Variants in CACNA1D observed in about 807,000 individuals in gnomAD.
CACNA1D encodes the protein calcium voltage-gated channel subunit alpha1 D.
CACNA1D carries 55 observed loss-of-function variants against 257.1 expected under a neutral mutation model. That is an observed-to-expected ratio of 0.21 (90% CI 0.17 to 0.27). The LOEUF is 0.27. CACNA1D is among the 10% of genes least tolerant of loss of function. The pLI, the probability that CACNA1D is intolerant of heterozygous loss-of-function variation, is 1.00. For missense variants in CACNA1D, 1,876 were observed against 2,784.0 expected (o/e 0.67, Z 7.34); for synonymous variants, 980 against 1,014.9 (o/e 0.97, Z 0.65).
chr3:53,561,341 A>G (rs933370622), intron 3 of CACNA1D, among the ~76,000 whole-genome samples: 28 of 152,310 alleles, frequency 1.8e-4, no homozygotes, highest in African/African-American at 6.0e-4. Context: ...CTCATGAATT[A>G]TTGCATAACT....
chr3:53,495,037 C>A lies in CACNA1D; in HGVS notation c.-130C>A. The A allele has an allele frequency of 1.9e-6, 1 of 532,608 alleles. No homozygotes were observed. The highest frequency in any genetic ancestry group is 1.5e-5 in the South Asian group (1 of 66,808). 33.0% of individuals were successfully genotyped at this position (532,608 alleles called of 1,614,324 possible). A position where few individuals can be genotyped will look rare whatever the true frequency, so the allele number is the denominator to read the frequency against. On this transcript the variant is annotated 5_prime_UTR_variant, in exon 1 of 48. Transcript: ENST00000350061. The surrounding 1 kb of genome is among the most constrained non-coding windows in gnomAD (Gnocchi z 5.1). Reference sequence around the variant, plus strand: ...ATTTGTCCCCGTCCCTCCCCACCCCCCTGCTGAAGCGAGAATAAGGGCAGG... The same window carrying A: ...ATTTGTCCCCGTCCCTCCCCACCCCACTGCTGAAGCGAGAATAAGGGCAGG...
chr3:53,776,717 G>T lies in CACNA1D; in HGVS notation c.4477G>T (p.Asp1493Tyr). The part of the protein sequence containing the change: ...DEFKRIWSEY[D>Y]PEAKGRIKHL... Reference sequence around the variant, plus strand: ...ATTCAAAAGAATATGGTCAGAATATGACCCTGAGGCAAAGTAGGTTGAAAA... The same window carrying T: ...ATTCAAAAGAATATGGTCAGAATATTACCCTGAGGCAAAGTAGGTTGAAAA... Residue 1493 changes from aspartate to tyrosine, a missense_variant, in exon 36 of 48, where the codon GAC becomes TAC. Coordinates refer to ENST00000350061, the MANE Select transcript of CACNA1D (RefSeq NM_001128840.3). The T allele has an allele frequency of 6.2e-7, 1 of 1,614,184 alleles. No homozygotes were observed. The highest frequency in any genetic ancestry group is 1.1e-5 in the South Asian group (1 of 91,054).
chr3:53,647,897 A>G (rs1576221993), intron 3 of CACNA1D, among the ~76,000 whole-genome samples: 1 of 152,234 alleles, frequency 6.6e-6, no homozygotes, highest in African/African-American at 2.4e-5. Context: ...TGTATTTCTT[A>G]TGAAGAATCC....
intron 3 of CACNA1D, among the ~76,000 whole-genome samples, chr3:53,620,421 G>A (rs1392029750): frequency 6.6e-6 from 1 of 152,050 alleles, no homozygotes; most frequent in African/African-American, 2.4e-5. Context: ...CTGCCCAGTA[G>A]CTAGGACTAC....
chr3:53,725,043 T>G (rs1370611170), intron 14 of CACNA1D, among the ~76,000 whole-genome samples: 2 of 144,938 alleles, frequency 1.4e-5, no homozygotes, highest in Non-Finnish European at 3.0e-5. Flanking sequence ...TGGCACAAAA[T>G]TCTAATGTTA....
At position 53,752,540 on chromosome 3, in the gene CACNA1D, C is replaced by T. The variant is rs572227422; in HGVS notation, c.3675+633C>T. Among the ~76,000 whole-genome samples the T allele has an allele frequency of 1.1e-4, 16 of 152,326 alleles. No individual in the cohort carries two copies. The East Asian group carries it at 2.9e-3, about 28-fold the overall frequency. ...TCAGCATTCTGAGTAGCTACGATTA[C>T]AGGCATATGCCACCATGCCCAGCTA... On this transcript the variant is annotated intron_variant, in intron 28 of 47. Transcript: ENST00000350061.
At chr3:53,672,119 G>A (rs1031415272) in intron 7 of CACNA1D, among the ~76,000 whole-genome samples, 3 of 152,224 alleles carry the variant, frequency 2.0e-5, no homozygotes, top group Non-Finnish European at 4.4e-5. Flanking sequence ...GTCTGCCAGG[G>A]AGACTGTGTC....
rs377363390 is a variant in CACNA1D, at chr3:53,497,216, T to C, written c.132T>C (p.Asn44=). 286 of 1,614,050 alleles carry C rather than the reference T, an allele frequency of 1.8e-4. No homozygotes were observed. In the Middle Eastern group the frequency reaches 1.8e-3, roughly 10 times the overall value. ...GTGAAGGACCAACTTCTCAGCCGAA[T>C]AGCTCCAAGCAAACTGTCCTGTCTT... is the stretch of plus-strand genomic sequence containing the variant. ...LSGEGPTSQP[N]SSKQTVLSWQ... Residue 44 remains asparagine, a synonymous_variant, in exon 2 of 48, where the codon AAT becomes AAC. Coordinates refer to ENST00000350061, the MANE Select transcript of CACNA1D (RefSeq NM_001128840.3).
At chr3:53,566,790 G>A (rs2107666613) in intron 3 of CACNA1D, among the ~76,000 whole-genome samples, 1 of 152,254 alleles carries the variant, frequency 6.6e-6, no homozygotes, top group Admixed American at 6.5e-5. Flanking sequence ...TCGGAAACTT[G>A]CACCATTTAG....
intron 26 of CACNA1D, among the ~76,000 whole-genome samples, chr3:53,747,979 G>A (rs1001247804): frequency 6.6e-6 from 1 of 152,188 alleles, no homozygotes; most frequent in Admixed American, 6.5e-5. Context: ...TACCAGCTCT[G>A]TGCAACATGG....
intron 39 of CACNA1D, 98 bp downstream of exon 39, chr3:53,781,765 T>C (rs912026463): frequency 1.3e-5 from 11 of 863,932 alleles, no homozygotes; most frequent in Non-Finnish European, 2.0e-5. Flanking sequence ...AAATGCTTTA[T>C]GTATCATTTA....
At chr3:53,606,951 TG>T (rs1357583102) in intron 3 of CACNA1D, among the ~76,000 whole-genome samples, 9 of 152,234 alleles carry the variant, frequency 5.9e-5, no homozygotes, top group Non-Finnish European at 1.5e-5. Flanking sequence ...TAATCTTCTG[TG>T]TGCATCACAA....
At chr3:53,805,695 C>T (rs925947833) in intron 45 of CACNA1D, among the ~76,000 whole-genome samples, 1 of 151,470 alleles carries the variant, frequency 6.6e-6, no homozygotes, top group Admixed American at 6.6e-5. Context: ...TCTGCTCCTC[C>T]TCCCTCCCTC....
chr3:53,700,758 G>A lies in CACNA1D; in HGVS notation c.1221-1883G>A, dbSNP rs895090574. Among the ~76,000 whole-genome samples, 8 of 152,110 alleles carry A rather than the reference G, an allele frequency of 5.3e-5. No individual in the cohort carries two copies. The East Asian group carries it at 9.7e-4, about 18-fold the overall frequency. ...ATTCACAGGGGGTGGAGTGGAGACTGACAGCCCTAACAGGACCAAGGATAG... is the reference window on the plus strand; with the variant it reads ...ATTCACAGGGGGTGGAGTGGAGACTAACAGCCCTAACAGGACCAAGGATAG... On this transcript the variant is annotated intron_variant, in intron 8 of 47. Transcript: ENST00000350061.
In CACNA1D at chr3:53,810,157, G is replaced by A. The variant is rs34388124; in HGVS notation, c.6051G>A (p.Pro2017=). The A allele has an allele frequency of 0.034, 55,098 of 1,613,936 alleles. 1,097 individuals carry two copies. The highest frequency in any genetic ancestry group is 0.054 in the Middle Eastern group (326 of 6,062). The change falls in exon 47 of 48, where the codon CCG becomes CCA. Residue 2017 remains proline (P), a synonymous_variant. Coordinates refer to ENST00000350061, the MANE Select transcript of CACNA1D (RefSeq NM_001128840.3). ...TGGACCAGGTGAACGGCAGCCTGCC[G>A]TCCCTGCACCGCAGCTCCTGGTACA... ...EALDQVNGSL[P]SLHRSSWYTD... is the part of the protein sequence containing the mutation.
intron 3 of CACNA1D, among the ~76,000 whole-genome samples, chr3:53,572,583 A>T (rs886844994): frequency 2.0e-5 from 3 of 152,018 alleles, no homozygotes; most frequent in African/African-American, 7.2e-5. Context: ...TATTTTTTAT[A>T]GAGACAAGGC....
intron 3 of CACNA1D, among the ~76,000 whole-genome samples, chr3:53,625,340 A>C (rs2093744865): frequency 6.6e-6 from 1 of 152,130 alleles, no homozygotes. Context: ...GAGTTGGTGG[A>C]GGTATTCCCA....
rs146973415 is a variant in CACNA1D at position 53,677,792 on chromosome 3, A to G, written c.1220+4666A>G. On this transcript the variant is annotated intron_variant, in intron 8 of 47. Coordinates refer to ENST00000350061, the MANE Select transcript of CACNA1D (RefSeq NM_001128840.3). ...TTTCTATTACATAGTGGTTAAGCAC[A>G]CCAGCTTTAGAATCAGACAACCAAG... is the stretch of plus-strand genomic sequence containing the variant. 3.2e-4 allele frequency among the ~76,000 whole-genome samples: 48 copies of G among 152,378 alleles called. 1 individual carries two copies. The highest frequency in any genetic ancestry group is 1.6e-3 in the Admixed American group (25 of 15,312).
chr3:53,519,627 A>G (rs1278388962), intron 3 of CACNA1D, among the ~76,000 whole-genome samples: 1 of 152,186 alleles, frequency 6.6e-6, no homozygotes, highest in East Asian at 1.9e-4. Flanking sequence ...ATACTTTTTA[A>G]AAGAAGCCTT....
Sources: allele counts gnomAD v4.1 joint callset (sites outside exome capture counted in the v4.1 genomes callset), GRCh38; gene constraint gnomAD v4.1.1; non-coding constraint Gnocchi (gnomAD v3.1); transcripts MANE v1.5; gene names NCBI Gene and HGNC (gene_info 2026-07-23, HGNC 2026-07-21).